The following TSKS variants were observed in gnomAD, a reference collection of about 807,000 sequenced individuals.
TSKS encodes the protein testis-specific serine kinase substrate.
TSKS carries 27 observed loss-of-function variants against 68.0 expected under a neutral mutation model. That is an observed-to-expected ratio of 0.40 (90% CI 0.29 to 0.55). TSKS has a LOEUF of 0.55. Among genes scored for constraint, TSKS ranks in the 20% least tolerant of loss-of-function variants. The pLI, the probability that TSKS is intolerant of heterozygous loss-of-function variation, is 0.53. For synonymous variants in TSKS, 331 were observed against 340.4 expected (o/e 0.97, Z 0.30); for missense variants, 806 against 776.0 (o/e 1.04, Z -0.46).
In TSKS at chr19:49,741,878, C is replaced by T; in HGVS notation, c.1497+7G>A. The T allele has an allele frequency of 6.2e-7, 1 of 1,614,190 alleles. No individual in the cohort carries two copies. On this transcript the variant is annotated splice_region_variant and intron_variant, in intron 9 of 10. Transcript: ENST00000246801. ...AGTGGGACATGGTGGCCCATATTCC[C>T]TGGTACCAGAATCTTCTTGTGTAGC...
chr19:49,763,071 A>C lies in TSKS; in HGVS notation c.170+7T>G. ...GAACCATCCCTGACAGTGTGCAACA[A>C]ACCCACCCGTGGAACGACACGGCCT... On this transcript the variant is annotated splice_region_variant and intron_variant, in intron 1 of 10. Transcript: ENST00000246801. The surrounding 1 kb of genome is among the most constrained non-coding windows in gnomAD (Gnocchi z 4.5). The C allele has an allele frequency of 6.2e-7, 1 of 1,610,496 alleles. No homozygotes were observed. Among genetic ancestry groups the C allele is most frequent in the East Asian group, 2.2e-5 (1 of 44,528 alleles).
At chr19:49,762,328 C>T in intron 1 of TSKS, 96 bp from the exon 2 acceptor site, 1 of 851,930 alleles carries the variant, frequency 1.2e-6, no homozygotes. Flanking sequence ...CCTGTGACTC[C>T]ACCCTCACTG....
At chr19:49,758,375 G>A (rs1406626104) in intron 2 of TSKS, among the ~76,000 whole-genome samples, 2 of 152,158 alleles carry the variant, frequency 1.3e-5, no homozygotes, top group Admixed American at 6.6e-5. Flanking sequence ...CTTGAAGCCC[G>A]TTAGAGGCCG....
chr19:49,753,538 G>A (rs1156825864), intron 2 of TSKS, among the ~76,000 whole-genome samples: 2 of 146,720 alleles, frequency 1.4e-5, no homozygotes, highest in South Asian at 4.3e-4. Flanking sequence ...CTCCAGCCTG[G>A]GCAACAAAGC....
At chr19:49,744,097 T>G (rs1600187773) in intron 8 of TSKS, 134 bp downstream of exon 8, 7 of 889,846 alleles carry the variant, frequency 7.9e-6, no homozygotes. Context: ...GGACCGGCTG[T>G]TTCTACAATG....
At chr19:49,745,141 C>T (rs2084285351) in intron 7 of TSKS, 61 bp downstream of exon 7, 2 of 1,466,286 alleles carry the variant, frequency 1.4e-6, no homozygotes, top group African/African-American at 1.4e-5. Context: ...CAAGACCCCG[C>T]CCTCAGGTTG....
chr19:49,744,315 C>T lies in TSKS; in HGVS notation c.1277G>A (p.Arg426Gln), dbSNP rs762103107. The T allele has an allele frequency of 1.5e-5, 24 of 1,614,002 alleles. No individual in the cohort carries two copies. The East Asian group carries it at 2.5e-4, about 16-fold the overall frequency. The part of the protein sequence containing the change: ...PLKPILEEFG[R>Q]QFQNSRRGPD... ...CCCTCTTCGAGAGTTCTGAAATTGC[C>T]GCCCGAACTCCTCCAGAATGGGTTT... Residue 426 changes from arginine to glutamine, a missense_variant, in exon 8 of 11, where the codon CGG becomes CAG. Arg to Gln is a conservative substitution (Grantham distance 43). Transcript: ENST00000246801.
chr19:49,748,377 CAG>C lies in TSKS; in HGVS notation c.490_491del (p.Leu164AlafsTer43). 6.2e-7 allele frequency: 1 copy of C among 1,614,008 alleles called. No homozygotes were observed. The highest frequency in any genetic ancestry group is 8.5e-7 in the Non-Finnish European group (1 of 1,179,890). ...TNRVNQHVQS[L>X]QSECSVLSEN... ...TGGATATAGGGGGTCCTCACACCTG[CAG>C]AGACTGCACGTGCTGGTTAACCCGG... On this transcript the variant is annotated frameshift_variant, in exon 3 of 11. Coordinates refer to ENST00000246801, the MANE Select transcript of TSKS (RefSeq NM_021733.2). LOFTEE classifies it high-confidence loss of function.
chr19:49,746,820 G>C, intron 5 of TSKS, 22 bp from the exon 6 acceptor site: 1 of 1,592,536 alleles, frequency 6.3e-7, no homozygotes, highest in South Asian at 1.1e-5. Context: ...GGGAGGACGG[G>C]GTCACAGCGT....
chr19:49,745,583 A>G (rs2084291708), intron 6 of TSKS, among the ~76,000 whole-genome samples, 187 bp from the exon 7 acceptor site: 1 of 151,932 alleles, frequency 6.6e-6, no homozygotes, highest in Admixed American at 6.6e-5. Flanking sequence ...CGTGTCCTCC[A>G]GAGCCCCGCC....
rs779633729 is a variant in TSKS, at chr19:49,746,725, G to A, written c.737C>T (p.Pro246Leu). ...CTCCTCCGGCTCCTGCTTCTCCTCC[G>A]GCTCCTGCAGCTCGGCCTCCTGCCG... is the stretch of plus-strand genomic sequence containing the variant. ...PRRQEAELQEPEEKQEPEEKQ... is the reference protein window; with the variant it reads ...PRRQEAELQELEEKQEPEEKQ... Residue 246 changes from proline to leucine, a missense_variant, in exon 6 of 11, where the codon CCG (proline) becomes CTG (leucine). Physicochemically the swap from Pro to Leu is moderately conservative, Grantham distance 98 (BLOSUM62 -3). Transcript: ENST00000246801. The A allele has an allele frequency of 1.9e-6, 3 of 1,559,492 alleles. No homozygotes were observed. Among genetic ancestry groups the A allele is most frequent in the Non-Finnish European group, 2.6e-6 (3 of 1,151,696 alleles).
intron 9 of TSKS, among the ~76,000 whole-genome samples, chr19:49,741,338 C>A (rs1013973757): frequency 9.2e-5 from 14 of 152,150 alleles, no homozygotes; most frequent in African/African-American, 3.4e-4. Context: ...ACAACATAAT[C>A]CTATAGTACA....
chr19:49,762,947 G>A, intron 1 of TSKS, 131 bp downstream of exon 1: 1 of 1,147,340 alleles, frequency 8.7e-7, no homozygotes, highest in Non-Finnish European at 1.2e-6. Flanking sequence ...CTTCACTGCT[G>A]CCCTCTTTCC....
At chr19:49,762,271 C>T in intron 1 of TSKS, 39 bp from the exon 2 acceptor site, 3 of 1,557,724 alleles carry the variant, frequency 1.9e-6, no homozygotes, top group African/African-American at 2.7e-5. Flanking sequence ...GAGAAGCAGC[C>T]CCAGGGTGTC....
intron 2 of TSKS, among the ~76,000 whole-genome samples, chr19:49,754,473 C>G (rs998455761): frequency 6.6e-6 from 1 of 150,504 alleles, no homozygotes. Context: ...CACTCAAGCC[C>G]GGGTGATAGA....
chr19:49,750,026 C>A (rs2084336207), intron 2 of TSKS, among the ~76,000 whole-genome samples: 1 of 151,796 alleles, frequency 6.6e-6, no homozygotes, highest in Non-Finnish European at 1.5e-5. Context: ...GAGAACTTTC[C>A]CTTTTTCTCT....
At chr19:49,750,262 C>CTTTT (rs34913477) in intron 2 of TSKS, among the ~76,000 whole-genome samples, 1 of 136,222 alleles carries the variant, frequency 7.3e-6, no homozygotes, top group Admixed American at 7.4e-5. Context: ...CATTGACATT[C>CTTTT]TTTTTTTTTT....
intron 2 of TSKS, 111 bp downstream of exon 2, chr19:49,761,893 C>T: frequency 1.2e-6 from 1 of 852,198 alleles, no homozygotes; most frequent in Non-Finnish European, 1.8e-6. Context: ...TCTCGAATGA[C>T]CAGAACATTC....
At chr19:49,744,111 TG>T in intron 8 of TSKS, 119 bp downstream of exon 8, 1 of 1,049,186 alleles carries the variant, frequency 9.5e-7, no homozygotes, top group Non-Finnish European at 1.4e-6. Context: ...TACAATGCAC[TG>T]GGATACCTTG....
Sources: gnomAD v4.1 joint callset for allele counts (sites outside exome capture counted in the v4.1 genomes callset) on GRCh38, gnomAD v4.1.1 for gene constraint, Gnocchi (gnomAD v3.1) non-coding constraint, MANE v1.5 for transcripts, NCBI Gene and HGNC (gene_info 2026-07-23, HGNC 2026-07-21) for gene names.